Variants in C2CD3 observed in about 807,000 individuals in gnomAD.
C2CD3 encodes C2 domain-containing protein 3.
In C2CD3, 148 loss-of-function variants were observed where a neutral mutation model predicts 234.0. The observed-to-expected ratio is 0.63, with a 90% CI of 0.55 to 0.72. The LOEUF is 0.72. C2CD3 is among the 30% of genes least tolerant of loss of function. The pLI is 0.00. For synonymous variants in C2CD3, 1,000 were observed against 1,035.4 expected, an observed-to-expected ratio of 0.97 and a Z score of 0.66; for missense variants, 2,577 against 2,811.5, an observed-to-expected ratio of 0.92 and a Z score of 1.89.
intron 32 of C2CD3, among the ~76,000 whole-genome samples, chr11:74,025,176 A>G (rs142448707): frequency 0.016 from 2,458 of 152,240 alleles, 52 homozygotes; most frequent in African/African-American, 0.046. Flanking sequence ...TTTTTCATTA[A>G]TGTGGCCTCT....
intron 3 of C2CD3, among the ~76,000 whole-genome samples, chr11:74,144,273 T>C (rs1350271368): frequency 6.6e-6 from 1 of 152,164 alleles, no homozygotes; most frequent in Non-Finnish European, 1.5e-5. Context: ...GTATATAGAT[T>C]GCTCCAACAA....
chr11:74,037,747 T>G, intron 29 of C2CD3, 49 bp from the exon 30 acceptor site: 1 of 1,396,724 alleles, frequency 7.2e-7, no homozygotes, highest in Non-Finnish European at 1.0e-6. Flanking sequence ...TCATGGAGAT[T>G]ATGAACATCT....
At chr11:74,109,410 T>C (rs752588007) in intron 11 of C2CD3, 1 of 381,672 alleles carries the variant, frequency 2.6e-6, no homozygotes, top group Non-Finnish European at 4.6e-6. Context: ...ATGTCAATCA[T>C]ATGAGTACTG....
chr11:74,170,677 A>T, intron 1 of C2CD3, 61 bp downstream of exon 1: 1 of 1,598,336 alleles, frequency 6.3e-7, no homozygotes, highest in East Asian at 2.2e-5. Context: ...GGGTCTCCCT[A>T]AAATTCCTTA....
At chr11:74,086,450 C>T (rs573309096) in intron 20 of C2CD3, among the ~76,000 whole-genome samples, 106 of 152,342 alleles carry the variant, frequency 7.0e-4, no homozygotes, top group African/African-American at 2.5e-3. Flanking sequence ...AGGATGTTGG[C>T]TGTTTCTATG....
At chr11:74,153,474 T>C (rs1408272191) in intron 3 of C2CD3, among the ~76,000 whole-genome samples, 2 of 152,166 alleles carry the variant, frequency 1.3e-5, no homozygotes, top group Non-Finnish European at 2.9e-5. Context: ...GCATGAATAC[T>C]TTGGGATAAA....
intron 11 of C2CD3, chr11:74,110,658 C>G (rs762927553): frequency 6.6e-6 from 1 of 152,242 alleles, no homozygotes; most frequent in African/African-American, 2.4e-5. Context: ...TTTCTCCTTA[C>G]TACTTGGGTA....
At chr11:74,163,166 A>G (rs534877300) in intron 2 of C2CD3, among the ~76,000 whole-genome samples, 1 of 152,324 alleles carries the variant, frequency 6.6e-6, no homozygotes, top group African/African-American at 2.4e-5. Flanking sequence ...AGGAATTATT[A>G]TTAGAAGACT....
rs1213255630 is a variant in C2CD3, at chr11:74,049,466, C to T, written c.5232G>A (p.Trp1744Ter). ...CTCCACTGAAGTCTGTGATGTTGTA[C>T]CAGCCACAGACAAACTGGAAGCCAG... ...LLSGFQFVCG[W>*]YNITDFSGEC... Residue 1744 changes from tryptophan to a stop codon, truncating the protein, a stop_gained, in exon 27 of 33, where the codon TGG (tryptophan) becomes TGA (stop). Coordinates refer to ENST00000334126, the MANE Select transcript of C2CD3 (RefSeq NM_001286577.2). LOFTEE classifies it high-confidence loss of function. 2 of 1,613,440 alleles carry T rather than the reference C, an allele frequency of 1.2e-6. No homozygotes were observed. The highest frequency in any genetic ancestry group is 1.7e-6 in the Non-Finnish European group (2 of 1,179,982).
At chr11:74,119,915 C>A (rs1050897684) in intron 8 of C2CD3, among the ~76,000 whole-genome samples, 1 of 152,060 alleles carries the variant, frequency 6.6e-6, no homozygotes, top group African/African-American at 2.4e-5. Context: ...GGATTACAGG[C>A]ATGAGCCACC....
chr11:74,089,266 A>T (rs751984937), intron 20 of C2CD3, among the ~76,000 whole-genome samples: 1 of 152,208 alleles, frequency 6.6e-6, no homozygotes, highest in Non-Finnish European at 1.5e-5. Flanking sequence ...ACATACCCAT[A>T]TAACAAATCT....
At chr11:74,123,492 G>A (rs986473374) in intron 7 of C2CD3, among the ~76,000 whole-genome samples, 1 of 152,056 alleles carries the variant, frequency 6.6e-6, no homozygotes, top group Non-Finnish European at 1.5e-5. Context: ...AGAAAAAAGG[G>A]TATAATTCAA....
chr11:74,150,605 C>G lies in C2CD3; in HGVS notation c.484-10777G>C, dbSNP rs529298180. ...ACGACTACAGGTACTTATTATCCAG[C>G]TTCAACAATTATTCACATCTGGCTA... On this transcript the variant is annotated intron_variant, in intron 3 of 32. Coordinates refer to ENST00000334126, the MANE Select transcript of C2CD3 (RefSeq NM_001286577.2). Among the ~76,000 whole-genome samples, 812 of 150,236 alleles carry G rather than the reference C, an allele frequency of 5.4e-3. 7 individuals carry two copies. The highest frequency in any genetic ancestry group is 0.011 in the South Asian group (52 of 4,730).
At chr11:74,153,067 A>C (rs1166743265) in intron 3 of C2CD3, among the ~76,000 whole-genome samples, 1 of 152,130 alleles carries the variant, frequency 6.6e-6, no homozygotes, top group Admixed American at 6.5e-5. Flanking sequence ...TCTACAAAAA[A>C]ATTTTAAAAA....
chr11:74,139,580 G>C, intron 4 of C2CD3, 25 bp downstream of exon 4: 1 of 1,443,898 alleles, frequency 6.9e-7, no homozygotes, highest in Non-Finnish European at 9.8e-7. Context: ...CTGACAGATT[G>C]ACTGGTATTA....
chr11:74,032,073 C>T (rs1952541555), intron 31 of C2CD3, among the ~76,000 whole-genome samples: 2 of 152,200 alleles, frequency 1.3e-5, no homozygotes, highest in African/African-American at 2.4e-5. Flanking sequence ...TCTACATTTA[C>T]CAATCCCTTC....
chr11:74,092,287 T>G (rs541425951), intron 19 of C2CD3, 129 bp downstream of exon 19: 121 of 728,862 alleles, frequency 1.7e-4, no homozygotes, highest in Admixed American at 1.2e-3. Context: ...ACTCCTGACC[T>G]CAGGTGATCC....
At chr11:74,165,319 ATTT>A (rs1171753811) in intron 2 of C2CD3, among the ~76,000 whole-genome samples, 2 of 152,130 alleles carry the variant, frequency 1.3e-5, no homozygotes, top group Non-Finnish European at 2.9e-5. Flanking sequence ...TATTTCACTC[ATTT>A]GTAAATCTCT....
chr11:74,019,271 G>A (rs1951992635), intron 32 of C2CD3, among the ~76,000 whole-genome samples: 1 of 152,142 alleles, frequency 6.6e-6, no homozygotes, highest in African/African-American at 2.4e-5. Flanking sequence ...AGACCTATGA[G>A]CCCCTTCCTA....
Sources: gnomAD v4.1 joint callset for allele counts (sites outside exome capture counted in the v4.1 genomes callset) on GRCh38, gnomAD v4.1.1 for gene constraint, MANE v1.5 for transcripts, NCBI Gene and HGNC (gene_info 2026-07-23, HGNC 2026-07-21) for gene names.